The following SLC26A5 variants were observed in gnomAD, a reference collection of about 807,000 sequenced individuals.
SLC26A5 encodes the protein prestin.
Under a neutral mutation model 81.0 loss-of-function variants are expected in SLC26A5, and 51 were observed. The ratio of observed to expected loss-of-function variants is 0.63; its 90% CI spans 0.50 to 0.80. The LOEUF (loss-of-function observed/expected upper bound fraction) is 0.80. Ranked by LOEUF, SLC26A5 falls within the 30% of genes least tolerant of loss-of-function variation. The pLI is 0.00. For missense variants in SLC26A5, 771 were observed against 905.8 expected (o/e 0.85, Z 1.91); for synonymous variants, 325 against 332.8 (o/e 0.98, Z 0.25).
chr7:103,354,178 A>G (rs1326915378), intron 19 of SLC26A5, among the ~76,000 whole-genome samples: 1 of 152,206 alleles, frequency 6.6e-6, no homozygotes, highest in Non-Finnish European at 1.5e-5. Flanking sequence ...AGAATAGATC[A>G]AAGTATTTGG....
rs745999121 is a variant in SLC26A5 at position 103,390,519 on chromosome 7, AG to A, written c.1234-14del. ...AACAACCTGCAAGCTGAATGAGAGA[AG>A]ACACATGGAAGGGGCTTTTAGGAGA... On this transcript the variant is annotated splice_polypyrimidine_tract_variant and intron_variant, in intron 11 of 19. Transcript: ENST00000306312. The A allele has an allele frequency of 6.2e-6, 10 of 1,612,678 alleles. No individual in the cohort carries two copies. The highest frequency in any genetic ancestry group is 8.5e-6 in the Non-Finnish European group (10 of 1,178,624).
chr7:103,415,755 T>C (rs935761669), intron 4 of SLC26A5, among the ~76,000 whole-genome samples: 5 of 152,390 alleles, frequency 3.3e-5, no homozygotes, highest in Middle Eastern at 3.4e-3. Flanking sequence ...CCTGGTATTC[T>C]ATTTTACTAT....
intron 19 of SLC26A5, among the ~76,000 whole-genome samples, chr7:103,361,510 C>CAAAAAAAAAAAAAAAAAAAAAAAAA (rs759044767): frequency 2.0e-5 from 1 of 51,102 alleles, no homozygotes; most frequent in African/African-American, 6.5e-5. Context: ...AACTCCATCT[C>CAAAAAAAAAAAAAAAAAAAAAAAAA]AAAAAAAAAA....
At chr7:103,422,242 A>G (rs1226364762) in intron 2 of SLC26A5, among the ~76,000 whole-genome samples, 1 of 152,226 alleles carries the variant, frequency 6.6e-6, no homozygotes, top group East Asian at 1.9e-4. Flanking sequence ...AATACAACAT[A>G]TTTGTGCATA....
chr7:103,399,994 A>G (rs987479795), intron 8 of SLC26A5, among the ~76,000 whole-genome samples: 4 of 151,992 alleles, frequency 2.6e-5, no homozygotes, highest in Non-Finnish European at 5.9e-5. Context: ...GGTTGGTTCC[A>G]AGTCTTTGCT....
At chr7:103,371,518 G>A (rs1233181868), downstream of SLC26A5, among the ~76,000 whole-genome samples, 320 of 150,502 alleles carry the variant, frequency 2.1e-3, 7 homozygotes, top group Admixed American at 0.02. Context: ...GCAGAGACGG[G>A]GTTTCACCAT....
chr7:103,367,859 C>G lies in SLC26A5; in HGVS notation c.2041+8949G>C. On this transcript the variant is annotated intron_variant, in intron 19 of 19. Transcript: ENST00000339444. This position sits in a 1 kb window ranked among gnomAD's most constrained non-coding sequence, Gnocchi z 6.1. ...TTTGCTGGTCTGTCTGCTCAGGCTG[C>G]TTTAATTAAGCCCGTTTATTTTCTT... The G allele has an allele frequency of 6.2e-7, 1 of 1,612,384 alleles. No homozygotes were observed.
intron 10 of SLC26A5, among the ~76,000 whole-genome samples, chr7:103,392,075 T>C (rs1317133292): frequency 6.6e-6 from 1 of 152,234 alleles, no homozygotes; most frequent in African/African-American, 2.4e-5. Context: ...TATTGTTGTA[T>C]AGGACTCTTG....
chr7:103,369,787 T>C (rs938505872), downstream of SLC26A5, among the ~76,000 whole-genome samples: 3 of 152,216 alleles, frequency 2.0e-5, no homozygotes, highest in Admixed American at 6.5e-5. Flanking sequence ...TTTATGACTT[T>C]AGAAAAATAT....
chr7:103,379,344 T>C lies in SLC26A5; in HGVS notation c.1585-9A>G. On this transcript the variant is annotated splice_polypyrimidine_tract_variant and intron_variant, in intron 15 of 19. Transcript: ENST00000306312. ...CCAGGAATTTCTTTCACCTGAAGAG[T>C]AAAATATTGCTGAATTTAACACATG... 1 of 1,522,532 alleles carries C rather than the reference T, an allele frequency of 6.6e-7. No homozygotes were observed. Among genetic ancestry groups the C allele is most frequent in the African/African-American group, 1.4e-5 (1 of 73,132 alleles). The allele number at this position is 1,522,532 out of a possible 1,614,324, so 94.3% of individuals were successfully genotyped here.
At chr7:103,415,075 T>C (rs573752079) in intron 4 of SLC26A5, among the ~76,000 whole-genome samples, 2 of 152,320 alleles carry the variant, frequency 1.3e-5, no homozygotes, top group Non-Finnish European at 2.9e-5. Flanking sequence ...ATTCTCAGCT[T>C]TGGGGGCTCA....
At chr7:103,394,402 G>T (rs1194224425) in intron 9 of SLC26A5, among the ~76,000 whole-genome samples, 3 of 152,304 alleles carry the variant, frequency 2.0e-5, no homozygotes, top group Middle Eastern at 6.8e-3. Context: ...AAAACCTGTT[G>T]TCCTTCCCTT....
rs530195379 is a variant in SLC26A5 at position 103,391,783 on chromosome 7, G to GA, written c.1120-49dup. 1,875 of 1,474,608 alleles carry GA rather than the reference G, an allele frequency of 1.3e-3. 3 individuals are homozygous for GA. The highest frequency in any genetic ancestry group is 1.1e-3 in the Non-Finnish European group (1,118 of 1,063,230). 91.3% of individuals were successfully genotyped at this position (1,474,608 alleles called of 1,614,324 possible). A position where few individuals can be genotyped will look rare whatever the true frequency, so the allele number is the denominator to read the frequency against. On this transcript the variant is annotated intron_variant, in intron 10 of 19. Transcript: ENST00000306312. The stretch of plus-strand genomic sequence containing the variant: ...ACAAAAGAGATAGGTCATTCTTCAG[G>GA]AAAAAAAAGCATAATAGCCCATTTA...
chr7:103,436,190 T>C (rs1198831718), intron 2 of SLC26A5, among the ~76,000 whole-genome samples: 1 of 152,074 alleles, frequency 6.6e-6, no homozygotes, highest in African/African-American at 2.4e-5. Context: ...TAAGTGTTGA[T>C]AATAGGAGTA....
At chr7:103,364,954 C>CATATAT (rs1554575463) in intron 19 of SLC26A5, among the ~76,000 whole-genome samples, 4 of 38,962 alleles carry the variant, frequency 1.0e-4, no homozygotes, top group Non-Finnish European at 1.3e-4. Context: ...TGTTTGTAGA[C>CATATAT]ATACATATAT....
chr7:103,426,763 T>C lies in SLC26A5; in HGVS notation c.-53-5196A>G, dbSNP rs141241573. Among the ~76,000 whole-genome samples the C allele has an allele frequency of 4.2e-3, 643 of 152,280 alleles. 6 individuals carry two copies. Among genetic ancestry groups the C allele is most frequent in the African/African-American group, 0.015 (609 of 41,556 alleles). ...CCTCGAAGGCTATCAATAACCATCTTATCAGAGGCAGAGAGGCAAAGTAAC... is the reference window on the plus strand; with the variant it reads ...CCTCGAAGGCTATCAATAACCATCTCATCAGAGGCAGAGAGGCAAAGTAAC... On this transcript the variant is annotated intron_variant, in intron 2 of 19. Transcript: ENST00000306312.
At chr7:103,382,491 A>T (rs1821881354) in intron 14 of SLC26A5, among the ~76,000 whole-genome samples, 1 of 151,628 alleles carries the variant, frequency 6.6e-6, no homozygotes, top group Admixed American at 6.6e-5. Context: ...CTGGGATTAC[A>T]GTTGTGCGCC....
At chr7:103,369,795 T>C (rs1274789216), downstream of SLC26A5, among the ~76,000 whole-genome samples, 6 of 152,146 alleles carry the variant, frequency 3.9e-5, no homozygotes, top group Non-Finnish European at 8.8e-5. Context: ...TTTAGAAAAA[T>C]ATACCGTAGA....
At chr7:103,353,664 T>C (rs1341322053) in intron 19 of SLC26A5, among the ~76,000 whole-genome samples, 2 of 152,240 alleles carry the variant, frequency 1.3e-5, no homozygotes, top group Admixed American at 1.3e-4. Flanking sequence ...TTAATGGATG[T>C]GTTTTATGTA....
Sources: gnomAD v4.1 joint callset for allele counts (sites outside exome capture counted in the v4.1 genomes callset) on GRCh38, gnomAD v4.1.1 for gene constraint, Gnocchi (gnomAD v3.1) non-coding constraint, MANE v1.5 for transcripts, NCBI Gene and HGNC (gene_info 2026-07-23, HGNC 2026-07-21) for gene names.